PLA2G4E: variants seen among roughly 807,000 people sequenced by gnomAD.
The protein encoded by PLA2G4E is cytosolic phospholipase A2 epsilon.
In PLA2G4E, 84 loss-of-function variants were observed where a neutral mutation model predicts 109.1. The observed-to-expected ratio is 0.77, with a 90% CI of 0.65 to 0.92. PLA2G4E has a LOEUF of 0.92. Among genes scored for constraint, PLA2G4E ranks in the 40% least tolerant of loss-of-function variants. PLA2G4E has a pLI of 0.00. For synonymous variants in PLA2G4E, 469 were observed against 436.1 expected (o/e 1.08, Z -0.94); for missense variants, 1,057 against 1,076.6 (o/e 0.98, Z 0.25).
rs2068200960 is a variant in PLA2G4E at position 41,989,327 on chromosome 15, C to T, written c.1723+88G>A. 1.4e-5 allele frequency: 21 copies of T among 1,544,072 alleles called. No individual in the cohort carries two copies. The South Asian group carries it at 2.2e-4, about 16-fold the overall frequency. On this transcript the variant is annotated intron_variant, in intron 15 of 19. Coordinates refer to ENST00000399518, the Ensembl canonical transcript of PLA2G4E. ...GGATGAGACAATGCTGGCAAGTGCC[C>T]CGAGTGTCACATAATCAGGGGCCAA...
intron 1 of PLA2G4E, among the ~76,000 whole-genome samples, chr15:42,016,533 C>T (rs936895328): frequency 6.6e-6 from 1 of 152,028 alleles, no homozygotes; most frequent in Admixed American, 6.6e-5. Context: ...GACGCAGTTT[C>T]ACCGTGTTGG....
chr15:42,035,245 G>A (rs1266222025), intron 1 of PLA2G4E, among the ~76,000 whole-genome samples: 1 of 152,180 alleles, frequency 6.6e-6, no homozygotes, highest in East Asian at 1.9e-4. Flanking sequence ...TCTCTCATTT[G>A]TCCTTGACTG....
At chr15:42,048,980 C>T (rs117319316) in intron 1 of PLA2G4E, among the ~76,000 whole-genome samples, 17 of 152,360 alleles carry the variant, frequency 1.1e-4, no homozygotes, top group East Asian at 9.6e-4. Context: ...CCATTAACCT[C>T]GTTAGCAAGA....
chr15:42,000,509 C>G (rs1051561512), intron 7 of PLA2G4E, among the ~76,000 whole-genome samples: 2 of 152,136 alleles, frequency 1.3e-5, no homozygotes, highest in Non-Finnish European at 2.9e-5. Flanking sequence ...CCCAGAAAAC[C>G]CTTTGAGATG....
chr15:42,036,978 T>C (rs1889228827), intron 1 of PLA2G4E, among the ~76,000 whole-genome samples: 1 of 152,218 alleles, frequency 6.6e-6, no homozygotes, highest in Admixed American at 6.5e-5. Flanking sequence ...CCAGGTGCTG[T>C]TGCAGCCTGG....
rs139522193 is a variant in PLA2G4E, at chr15:42,010,142, C to CCCCCCGCCG, written c.257-2278_257-2277insCGGCGGGGG. On this transcript the variant is annotated intron_variant, in intron 2 of 19. Coordinates refer to ENST00000399518, the Ensembl canonical transcript of PLA2G4E. The stretch of plus-strand genomic sequence containing the variant: ...TTTTCCAGAACACTGGCCCCCCCAC[C>CCCCCCGCCG]CCGGGCCTGGACCACACCCTTCAGG... 4.5e-6 allele frequency: 2 copies of CCCCCCGCCG among 442,494 alleles called. 1 individual carries two copies. Among genetic ancestry groups the CCCCCCGCCG allele is most frequent in the Non-Finnish European group, 9.1e-6 (2 of 219,832 alleles). The allele number at this position is 442,494 out of a possible 1,614,324, so 27.4% of individuals were successfully genotyped here. A position where few individuals can be genotyped will look rare whatever the true frequency, so the allele number is the denominator to read the frequency against.
intron 18 of PLA2G4E, among the ~76,000 whole-genome samples, chr15:41,985,216 A>G (rs2068120854): frequency 6.6e-6 from 1 of 152,154 alleles, no homozygotes; most frequent in Non-Finnish European, 1.5e-5. Flanking sequence ...TAAGGGCCAA[A>G]CAAGATCACA....
intron 1 of PLA2G4E, among the ~76,000 whole-genome samples, chr15:42,024,262 G>T (rs2068674158): frequency 6.6e-6 from 1 of 152,222 alleles, no homozygotes; most frequent in Admixed American, 6.5e-5. Context: ...GTACACAACT[G>T]CTGCTCCAAG....
chr15:41,995,633 G>T, intron 11 of PLA2G4E, 137 bp from the exon 12 acceptor site: 1 of 1,087,636 alleles, frequency 9.2e-7, no homozygotes, highest in Non-Finnish European at 1.3e-6. Flanking sequence ...GCGGCGTTGA[G>T]CCACCTGACA....
At chr15:42,032,568 A>C (rs1889133221) in intron 1 of PLA2G4E, among the ~76,000 whole-genome samples, 1 of 152,220 alleles carries the variant, frequency 6.6e-6, no homozygotes, top group Non-Finnish European at 1.5e-5. Context: ...GGTGGACAGA[A>C]CACCGGGTGG....
exon 20 of PLA2G4E, chr15:41,983,360 C>T (rs1365674376): frequency 9.6e-6 from 2 of 208,296 alleles, no homozygotes; most frequent in African/African-American, 2.3e-5. Flanking sequence ...TGTGCATTTC[C>T]CTAGGCCCGC....
chr15:41,987,112 C>G (rs2068154096), intron 17 of PLA2G4E, 60 bp downstream of exon 17: 3 of 1,517,168 alleles, frequency 2.0e-6, no homozygotes, highest in Non-Finnish European at 2.7e-6. Context: ...GCAGCCTTGA[C>G]ATCCACATCT....
chr15:41,985,221 A>T (rs2068121070), intron 18 of PLA2G4E, among the ~76,000 whole-genome samples: 1 of 152,148 alleles, frequency 6.6e-6, no homozygotes, highest in African/African-American at 2.4e-5. Context: ...GCCAAACAAG[A>T]TCACACGTAG....
At chr15:42,028,435 C>G (rs1889059690) in intron 1 of PLA2G4E, among the ~76,000 whole-genome samples, 1 of 122,436 alleles carries the variant, frequency 8.2e-6, no homozygotes, top group Non-Finnish European at 1.8e-5. Flanking sequence ...GAGACGGAGT[C>G]TCACTCTGTT....
chr15:42,017,554 G>C (rs2068608148), intron 1 of PLA2G4E, among the ~76,000 whole-genome samples: 1 of 152,226 alleles, frequency 6.6e-6, no homozygotes, highest in South Asian at 2.1e-4. Context: ...CTTTGACACA[G>C]GGCTCACAGC....
intron 2 of PLA2G4E, among the ~76,000 whole-genome samples, chr15:42,011,106 T>C (rs1362614793): frequency 6.7e-6 from 1 of 149,392 alleles, no homozygotes; most frequent in African/African-American, 2.5e-5. Flanking sequence ...AGATGCCACA[T>C]GTGCCTTCCG....
intron 1 of PLA2G4E, among the ~76,000 whole-genome samples, chr15:42,039,190 G>T (rs1321079791): frequency 6.6e-6 from 1 of 152,094 alleles, no homozygotes; most frequent in East Asian, 1.9e-4. Flanking sequence ...GTTATCCAAA[G>T]CTACAAGACT....
intron 1 of PLA2G4E, among the ~76,000 whole-genome samples, chr15:42,049,744 C>T (rs1712416): frequency 0.094 from 14,362 of 152,152 alleles, 726 homozygotes; most frequent in South Asian, 0.19. Context: ...AAGCGAGGCT[C>T]ACTCCCTGCA....
intron 1 of PLA2G4E, among the ~76,000 whole-genome samples, chr15:42,014,523 C>T (rs2068569752): frequency 1.3e-5 from 2 of 152,184 alleles, no homozygotes; most frequent in Non-Finnish European, 2.9e-5. Context: ...TGGCAGCCTG[C>T]TTGGGAGGCA....
Sources: allele counts gnomAD v4.1 joint callset (sites outside exome capture counted in the v4.1 genomes callset), GRCh38; gene constraint gnomAD v4.1.1; transcripts MANE v1.5; gene names NCBI Gene and HGNC (gene_info 2026-07-23, HGNC 2026-07-21).